Variants in ACACA observed in about 807,000 individuals in gnomAD.
The protein encoded by ACACA is acetyl-CoA carboxylase alpha.
ACACA carries 103 observed loss-of-function variants against 296.1 expected under a neutral mutation model. That is an observed-to-expected ratio of 0.35 (90% CI 0.30 to 0.41). ACACA has a LOEUF of 0.41. Among genes scored for constraint, ACACA ranks in the 10% least tolerant of loss-of-function variants. The pLI is 1.00. For missense variants in ACACA, 1,554 were observed against 2,989.7 expected (o/e 0.52, Z 11.20); for synonymous variants, 953 against 1,038.6 (o/e 0.92, Z 1.58).
intron 29 of ACACA, among the ~76,000 whole-genome samples, chr17:37,213,152 T>TACACAC (rs140736366): frequency 2.0e-5 from 3 of 148,766 alleles, no homozygotes; most frequent in African/African-American, 7.4e-5. Context: ...AATCCATCTT[T>TACACAC]ACACACACAC....
At chr17:37,257,514 T>G (rs185951115) in intron 14 of ACACA, among the ~76,000 whole-genome samples, 189 bp downstream of exon 14, 1 of 152,274 alleles carries the variant, frequency 6.6e-6, no homozygotes, top group African/African-American at 2.4e-5. Flanking sequence ...CAGAAAAACA[T>G]CTGCCAAGCA....
At chr17:37,308,270 G>A (rs78794231) in intron 3 of ACACA, among the ~76,000 whole-genome samples, 3,630 of 152,168 alleles carry the variant, frequency 0.024, 130 homozygotes, top group African/African-American at 0.083. Context: ...GAATAATAAT[G>A]AAAATGTATA....
intron 10 of ACACA, among the ~76,000 whole-genome samples, chr17:37,270,368 A>G (rs1216079960): frequency 6.6e-6 from 1 of 152,194 alleles, no homozygotes; most frequent in Non-Finnish European, 1.5e-5. Flanking sequence ...TCATACCACC[A>G]TATCACATAT....
rs150540922 is a variant in ACACA, at chr17:37,368,474, G to A, written c.39-28624C>T. 6.8e-3 allele frequency among the ~76,000 whole-genome samples: 1,037 copies of A among 151,912 alleles called. 7 individuals carry two copies. The highest frequency in any genetic ancestry group is 0.045 in the Middle Eastern group (13 of 292). ...CGGGAACCTGTAATCCCAGCTACTCGGGAAGCTGAAGGAGGAGAATCACTT... is the reference window on the plus strand; with the variant it reads ...CGGGAACCTGTAATCCCAGCTACTCAGGAAGCTGAAGGAGGAGAATCACTT... On this transcript the variant is annotated intron_variant, in intron 1 of 55. Transcript: ENST00000616317.
rs1386032855 is a variant in ACACA, at chr17:37,390,330, A to ATATATATATATATATATATC, written c.38+15931_38+15932insGATATATATATATATATATA. ...TATATATATATATATATATATATATATATAAAAGGCCAGCTGGGCCGGGCA... is the reference window on the plus strand; with the variant it reads ...TATATATATATATATATATATATATATATATATATATATATATATCTATAAAAGGCCAGCTGGGCCGGGCA... On this transcript the variant is annotated intron_variant, in intron 1 of 55. Coordinates refer to ENST00000616317, the MANE Select transcript of ACACA (RefSeq NM_198834.3). Among the ~76,000 whole-genome samples, 229 of 41,448 alleles carry ATATATATATATATATATATC rather than the reference A, an allele frequency of 5.5e-3. 20 individuals carry two copies. Among genetic ancestry groups the ATATATATATATATATATATC allele is most frequent in the African/African-American group, 9.1e-3 (71 of 7,814 alleles). The allele number at this position is 41,448 out of a possible 152,430, so 27.2% of individuals were successfully genotyped here.
intron 1 of ACACA, among the ~76,000 whole-genome samples, chr17:37,393,264 T>A (rs1286682031): frequency 6.6e-6 from 1 of 152,050 alleles, no homozygotes; most frequent in Non-Finnish European, 1.5e-5. Flanking sequence ...ATTATTTGCA[T>A]CCTGCCACTG....
intron 12 of ACACA, 36 bp from the exon 13 acceptor site, chr17:37,258,409 A>G: frequency 1.2e-6 from 2 of 1,605,174 alleles, no homozygotes; most frequent in Non-Finnish European, 1.7e-6. Context: ...TTAATTTTTC[A>G]GTTACTTCCC....
At chr17:37,253,129 C>T (rs1369128316) in intron 14 of ACACA, 93 bp from the exon 15 acceptor site, 15 of 1,558,844 alleles carry the variant, frequency 9.6e-6, no homozygotes, top group East Asian at 6.8e-5. Flanking sequence ...TGGTGGCTCA[C>T]GCCTGTAATC....
intron 25 of ACACA, among the ~76,000 whole-genome samples, chr17:37,227,809 G>A (rs1334995719): frequency 1.3e-5 from 2 of 148,292 alleles, no homozygotes; most frequent in East Asian, 3.9e-4. Flanking sequence ...GCAGTGAGCC[G>A]AGATCGTGCC....
chr17:37,309,355 A>C (rs1166257548), intron 3 of ACACA, among the ~76,000 whole-genome samples: 1 of 152,176 alleles, frequency 6.6e-6, no homozygotes, highest in African/African-American at 2.4e-5. Context: ...TGACTATTAT[A>C]TGCTATAGAA....
chr17:37,226,628 G>A (rs1598243556), intron 25 of ACACA, among the ~76,000 whole-genome samples, 176 bp from the exon 26 acceptor site: 1 of 152,174 alleles, frequency 6.6e-6, no homozygotes, highest in Non-Finnish European at 1.5e-5. Context: ...CCCAGAGGAA[G>A]TTTGGCTAAG....
chr17:37,331,108 T>C (rs1163422968), intron 2 of ACACA, among the ~76,000 whole-genome samples: 1 of 150,176 alleles, frequency 6.7e-6, no homozygotes, highest in East Asian at 2.0e-4. Flanking sequence ...TATTTATTTA[T>C]TTATTTATTT....
At chr17:37,242,165 T>A in intron 22 of ACACA, 112 bp from the exon 23 acceptor site, 1 of 818,704 alleles carries the variant, frequency 1.2e-6, no homozygotes, top group Non-Finnish European at 2.1e-6. Context: ...TGGCAGTTCC[T>A]ATCTCACATG....
chr17:37,173,490 T>TAC (rs1458213788), intron 41 of ACACA, among the ~76,000 whole-genome samples: 6 of 152,132 alleles, frequency 3.9e-5, no homozygotes, highest in African/African-American at 1.4e-4. Context: ...ATACTCAAAT[T>TAC]AGAGATTCAA....
chr17:37,268,223 T>G (rs1250492441), intron 10 of ACACA, among the ~76,000 whole-genome samples: 1 of 152,204 alleles, frequency 6.6e-6, no homozygotes, highest in Non-Finnish European at 1.5e-5. Context: ...TGTATGCCTA[T>G]TTTCAATTGA....
intron 44 of ACACA, among the ~76,000 whole-genome samples, chr17:37,150,380 A>T (rs1348893326): frequency 6.6e-6 from 1 of 152,062 alleles, no homozygotes; most frequent in Non-Finnish European, 1.5e-5. Context: ...TGTCTCTAGC[A>T]AAAATACAAA....
chr17:37,151,283 C>A lies in ACACA; in HGVS notation c.5568+18G>T. On this transcript the variant is annotated intron_variant, in intron 44 of 55. Coordinates refer to ENST00000616317, the MANE Select transcript of ACACA (RefSeq NM_198834.3). ...CACAGCCAGTTCTTCAAAAATTTCACATTCTGGAAAGATTTACCAGGCTGA... is the reference window on the plus strand; with the variant it reads ...CACAGCCAGTTCTTCAAAAATTTCAAATTCTGGAAAGATTTACCAGGCTGA... 1 of 1,613,756 alleles carries A rather than the reference C, an allele frequency of 6.2e-7. No individual in the cohort carries two copies. The highest frequency in any genetic ancestry group is 8.5e-7 in the Non-Finnish European group (1 of 1,179,950).
chr17:37,266,321 G>A (rs1243434511), intron 10 of ACACA, among the ~76,000 whole-genome samples: 1 of 151,972 alleles, frequency 6.6e-6, no homozygotes, highest in Non-Finnish European at 1.5e-5. Flanking sequence ...GGCTGAGACA[G>A]GAGAATCACT....
intron 2 of ACACA, among the ~76,000 whole-genome samples, chr17:37,331,474 T>A (rs1185241684): frequency 6.8e-6 from 1 of 147,030 alleles, no homozygotes; most frequent in Non-Finnish European, 1.5e-5. Flanking sequence ...AATGGCACGA[T>A]CTCAGCTCAC....
Sources: gnomAD v4.1 joint callset for allele counts (sites outside exome capture counted in the v4.1 genomes callset) on GRCh38, gnomAD v4.1.1 for gene constraint, MANE v1.5 for transcripts, NCBI Gene and HGNC (gene_info 2026-07-23, HGNC 2026-07-21) for gene names.